Variants in HECA observed in about 807,000 individuals in gnomAD.
HECA encodes headcase protein homolog.
Under a neutral mutation model 37.6 loss-of-function variants are expected in HECA, and 13 were observed. The ratio of observed to expected loss-of-function variants is 0.35; its 90% confidence interval spans 0.23 to 0.55. The LOEUF is 0.55. Ranked by LOEUF, HECA falls within the 20% of genes least tolerant of loss-of-function variation. The pLI, the probability that HECA is intolerant of heterozygous loss-of-function variation, is 0.90. For synonymous variants in HECA, 307 were observed against 291.5 expected (o/e 1.05, Z -0.54); for missense variants, 527 against 701.9 (o/e 0.75, Z 2.82).
intron 1 of HECA, among the ~76,000 whole-genome samples, chr6:139,158,362 G>C (rs1276664141): frequency 6.6e-6 from 1 of 152,106 alleles, no homozygotes; most frequent in Non-Finnish European, 1.5e-5. Flanking sequence ...AATTAGCTGG[G>C]TGTGGTGGCG....
intron 1 of HECA, among the ~76,000 whole-genome samples, chr6:139,136,796 G>A (rs1156775345): frequency 1.3e-5 from 2 of 151,970 alleles, no homozygotes; most frequent in African/African-American, 4.8e-5. Context: ...CACCACGCCC[G>A]GCTAATTTTT....
chr6:139,150,246 A>G (rs900050885), intron 1 of HECA, among the ~76,000 whole-genome samples: 2 of 152,216 alleles, frequency 1.3e-5, no homozygotes, highest in Non-Finnish European at 2.9e-5. Flanking sequence ...TTATTCAAAC[A>G]GTTTCTGTGG....
intron 1 of HECA, among the ~76,000 whole-genome samples, chr6:139,136,982 A>G (rs1774456065): frequency 6.6e-6 from 1 of 152,350 alleles, no homozygotes; most frequent in Middle Eastern, 3.4e-3. Flanking sequence ...AGCAGCGTAC[A>G]GTGCTCTGAA....
chr6:139,168,422 A>G (rs550435832), intron 2 of HECA, among the ~76,000 whole-genome samples: 2 of 144,402 alleles, frequency 1.4e-5, no homozygotes, highest in East Asian at 2.1e-4. Context: ...TTTGATTTGC[A>G]TAGTTTTTTT....
At chr6:139,152,019 T>G (rs1326861446) in intron 1 of HECA, among the ~76,000 whole-genome samples, 1 of 152,222 alleles carries the variant, frequency 6.6e-6, no homozygotes, top group East Asian at 1.9e-4. Context: ...CTAAAGTGAT[T>G]GTCCTATTTC....
At chr6:139,163,517 C>G (rs1403690289) in intron 1 of HECA, among the ~76,000 whole-genome samples, 1 of 152,040 alleles carries the variant, frequency 6.6e-6, no homozygotes, top group Non-Finnish European at 1.5e-5. Context: ...CTACACCCAG[C>G]TAATTTTTGT....
intron 1 of HECA, among the ~76,000 whole-genome samples, chr6:139,154,909 G>A (rs1466470222): frequency 6.6e-6 from 1 of 152,184 alleles, no homozygotes; most frequent in Non-Finnish European, 1.5e-5. Context: ...CCTAAGCAAG[G>A]ATAATATTGG....
At chr6:139,145,373 G>A (rs2498678) in intron 1 of HECA, among the ~76,000 whole-genome samples, 127,783 of 152,228 alleles carry the variant, frequency 0.84, 54,360 homozygotes, top group African/African-American at 0.91. Context: ...TTGTACAGAT[G>A]AGGATAATAC....
At chr6:139,139,823 A>G (rs1331893316) in intron 1 of HECA, among the ~76,000 whole-genome samples, 2 of 152,248 alleles carry the variant, frequency 1.3e-5, no homozygotes, top group Non-Finnish European at 2.9e-5. Flanking sequence ...TCTGCTGAGA[A>G]GCTTCAGCTC....
intron 1 of HECA, among the ~76,000 whole-genome samples, chr6:139,162,731 C>T (rs1371911248): frequency 1.3e-5 from 2 of 152,222 alleles, no homozygotes; most frequent in East Asian, 1.9e-4. Flanking sequence ...CACATTGCCA[C>T]CACCCTCTGC....
Position 139,166,625 on chromosome 6 carries a change from T to C in HECA, c.613T>C (p.Ser205Pro). 6.2e-7 allele frequency: 1 copy of C among 1,614,030 alleles called. No individual in the cohort carries two copies. Among genetic ancestry groups the C allele is most frequent in the Non-Finnish European group, 8.5e-7 (1 of 1,180,002 alleles). Residue 205 changes from serine to proline, a missense_variant, in exon 2 of 4, where the codon TCT (serine) becomes CCT (proline). Ser to Pro is a moderately conservative substitution (Grantham distance 74). Around this residue, in one of 4 missense-constraint regions of HECA, gnomAD observed 228 missense variants for 259.8 expected, o/e 0.88. Coordinates refer to ENST00000367658, the MANE Select transcript of HECA (RefSeq NM_016217.3). ...KRMQDEKKKKSGSEKNTGRPP... is the reference protein window; with the variant it reads ...KRMQDEKKKKPGSEKNTGRPP... ...GATGCAGGACGAGAAAAAGAAGAAGTCTGGCTCCGAGAAGAACACAGGGAG... is the reference window on the plus strand; with the variant it reads ...GATGCAGGACGAGAAAAAGAAGAAGCCTGGCTCCGAGAAGAACACAGGGAG...
At chr6:139,165,584 CTT>C (rs796323871) in intron 1 of HECA, among the ~76,000 whole-genome samples, 35 of 138,178 alleles carry the variant, frequency 2.5e-4, no homozygotes, top group East Asian at 6.2e-4. Context: ...GTGGCAACCA[CTT>C]TTTTTTTTTT....
chr6:139,163,111 G>A (rs1653108220), intron 1 of HECA, among the ~76,000 whole-genome samples: 1 of 152,208 alleles, frequency 6.6e-6, no homozygotes, highest in African/African-American at 2.4e-5. Context: ...GACTTTTCAG[G>A]TTTATTGCAT....
At chr6:139,146,364 A>C (rs1774583580) in intron 1 of HECA, among the ~76,000 whole-genome samples, 3 of 152,214 alleles carry the variant, frequency 2.0e-5, no homozygotes, top group African/African-American at 7.2e-5. Flanking sequence ...TCATCTCAGT[A>C]GAGTCTTTGG....
intron 1 of HECA, among the ~76,000 whole-genome samples, chr6:139,160,042 A>G (rs929197555): frequency 7.2e-5 from 11 of 152,200 alleles, no homozygotes; most frequent in Non-Finnish European, 1.3e-4. Context: ...AAGTGAGGGC[A>G]GGATGCAGGG....
chr6:139,180,800 T>TAACA (rs1775124255), exon 4 of HECA: 1 of 152,656 alleles, frequency 6.6e-6, no homozygotes, highest in African/African-American at 2.4e-5. Context: ...TTCCAGAAAC[T>TAACA]AACATTGTAC....
chr6:139,169,084 CTT>C (rs1774934676), intron 2 of HECA, among the ~76,000 whole-genome samples: 1 of 152,174 alleles, frequency 6.6e-6, no homozygotes, highest in Non-Finnish European at 1.5e-5. Context: ...TCTGTACTCT[CTT>C]GGCCCTTTGG....
At chr6:139,147,942 T>C (rs1774605529) in intron 1 of HECA, among the ~76,000 whole-genome samples, 1 of 152,208 alleles carries the variant, frequency 6.6e-6, no homozygotes, top group Non-Finnish European at 1.5e-5. Flanking sequence ...GGTGGTGCAG[T>C]TCCTTCGCAC....
At chr6:139,173,744 A>T (rs546116089) in intron 2 of HECA, among the ~76,000 whole-genome samples, 58 of 152,338 alleles carry the variant, frequency 3.8e-4, no homozygotes, top group African/African-American at 1.3e-3. Flanking sequence ...TTATCAAATA[A>T]TGGAGGGGGA....
Sources: allele counts gnomAD v4.1 joint callset (sites outside exome capture counted in the v4.1 genomes callset), GRCh38; gene constraint gnomAD v4.1.1; regional missense constraint gnomAD v4.1.1; transcripts MANE v1.5; gene names NCBI Gene and HGNC (gene_info 2026-07-23, HGNC 2026-07-21).